CREBL2: variants seen among roughly 807,000 people sequenced by gnomAD.
CREBL2 encodes the protein cAMP responsive element binding protein like 2.
A neutral mutation model predicts 19.5 loss-of-function variants in CREBL2; 4 were observed. The ratio of observed to expected loss-of-function variants is 0.20; its 90% CI spans 0.10 to 0.47. The LOEUF is 0.47. CREBL2 is among the 20% of genes least tolerant of loss of function. The probability of loss-of-function intolerance (pLI) is 0.98; values close to 1 mark genes in which losing one functional copy is unlikely to be tolerated. For missense variants in CREBL2, 85 were observed against 145.1 expected (o/e 0.59, Z 2.13); for synonymous variants, 42 against 46.6 (o/e 0.90, Z 0.40).
At chr12:12,618,286 C>T (rs1319090343) in intron 1 of CREBL2, among the ~76,000 whole-genome samples, 13 of 149,162 alleles carry the variant, frequency 8.7e-5, no homozygotes, top group East Asian at 2.0e-4. Flanking sequence ...GGGCGGCTGC[C>T]GGGCGGAGGG....
At chr12:12,614,687 C>G (rs1206443191) in intron 1 of CREBL2, 4 of 280,922 alleles carry the variant, frequency 1.4e-5, no homozygotes, top group Non-Finnish European at 2.8e-5. Context: ...CATTTTCCTT[C>G]ACACGTTTCT....
intron 1 of CREBL2, chr12:12,614,838 TA>T: frequency 3.0e-6 from 1 of 329,086 alleles, no homozygotes; most frequent in Non-Finnish European, 6.0e-6. Flanking sequence ...TTTGCCATAG[TA>T]AGATTTGTAG....
At chr12:12,617,152 A>G (rs1335979906) in intron 1 of CREBL2, among the ~76,000 whole-genome samples, 2 of 152,196 alleles carry the variant, frequency 1.3e-5, no homozygotes, top group African/African-American at 4.8e-5. Context: ...AGTGTGCCTA[A>G]TACAGCATAA....
Position 12,641,250 on chromosome 12 carries a change from A to ATTTTTTTTTTTTTTTTTT in CREBL2, c.359-742_359-741insTTTTTTTTTTTTTTTTTT, listed in dbSNP as rs1248375488. ...CTTTATTATTATTATTATTATTATT[A>ATTTTTTTTTTTTTTTTTT]TTATTTTTTTTTATTTTTTTTTTTT... On this transcript the variant is annotated intron_variant, in intron 3 of 3. Transcript: ENST00000228865. Among the ~76,000 whole-genome samples, 45 of 57,992 alleles carry ATTTTTTTTTTTTTTTTTT rather than the reference A, an allele frequency of 7.8e-4. 7 individuals are homozygous for ATTTTTTTTTTTTTTTTTT. The highest frequency in any genetic ancestry group is 1.3e-3 in the Non-Finnish European group (38 of 28,686). 38.0% of individuals were successfully genotyped at this position (57,992 alleles called of 152,430 possible). A position where few individuals can be genotyped will look rare whatever the true frequency, so the allele number is the denominator to read the frequency against.
Position 12,644,833 on chromosome 12 carries a change from T to G in CREBL2, c.*2835T>G, listed in dbSNP as rs1257327434. The G allele has an allele frequency of 6.6e-6, 1 of 152,310 alleles. No homozygotes were observed. The highest frequency in any genetic ancestry group is 1.5e-5 in the Non-Finnish European group (1 of 68,044). The allele number at this position is 152,310 out of a possible 1,614,324, so 9.4% of individuals were successfully genotyped here. A position where few individuals can be genotyped will look rare whatever the true frequency, so the allele number is the denominator to read the frequency against. On this transcript the variant is annotated 3_prime_UTR_variant, in exon 4 of 4. Transcript: ENST00000228865. ...CAAAAAGTACAGGTTTAAACTGGACTTAGCTTGAGTTAAAGGCAAAGAAAA... is the reference window on the plus strand; with the variant it reads ...CAAAAAGTACAGGTTTAAACTGGACGTAGCTTGAGTTAAAGGCAAAGAAAA...
At chr12:12,639,997 C>T (rs1181297203) in intron 3 of CREBL2, among the ~76,000 whole-genome samples, 1 of 152,110 alleles carries the variant, frequency 6.6e-6, no homozygotes, top group Non-Finnish European at 1.5e-5. Context: ...AGCAGAACCA[C>T]TGATAAGGGT....
intron 2 of CREBL2, among the ~76,000 whole-genome samples, 196 bp downstream of exon 2, chr12:12,636,170 A>G (rs1002020448): frequency 1.3e-5 from 2 of 152,224 alleles, no homozygotes; most frequent in Non-Finnish European, 1.5e-5. Flanking sequence ...GACTGTTAAC[A>G]CTAAGGGATT....
At chr12:12,639,246 A>G (rs1463220002) in intron 3 of CREBL2, among the ~76,000 whole-genome samples, 1 of 152,176 alleles carries the variant, frequency 6.6e-6, no homozygotes, top group Non-Finnish European at 1.5e-5. Flanking sequence ...TATTGTGAGT[A>G]GTACTGCTGT....
chr12:12,641,253 A>ATTTTTTTTTTTTTTTTTTTTT lies in CREBL2; in HGVS notation c.359-732_359-731insTTTTTTTTTTTTTTTTTTTTT, dbSNP rs142404101. 1.0e-4 allele frequency among the ~76,000 whole-genome samples: 8 copies of ATTTTTTTTTTTTTTTTTTTTT among 78,258 alleles called. 1 individual carries two copies. The highest frequency in any genetic ancestry group is 1.5e-4 in the Admixed American group (1 of 6,818). 51.3% of individuals were successfully genotyped at this position (78,258 alleles called of 152,430 possible). A position where few individuals can be genotyped will look rare whatever the true frequency, so the allele number is the denominator to read the frequency against. On this transcript the variant is annotated intron_variant, in intron 3 of 3. Transcript: ENST00000228865. ...TATTATTATTATTATTATTATTATT[A>ATTTTTTTTTTTTTTTTTTTTT]TTTTTTTTTATTTTTTTTTTTTTTA...
chr12:12,633,213 A>G (rs1592241468), intron 1 of CREBL2, among the ~76,000 whole-genome samples: 1 of 152,132 alleles, frequency 6.6e-6, no homozygotes, highest in Non-Finnish European at 1.5e-5. Flanking sequence ...TTGGGATTAC[A>G]GGTGTGAGCC....
rs530139620 is a variant in CREBL2, at chr12:12,645,021, C to A, written c.*3023C>A. The A allele has an allele frequency of 6.6e-6, 1 of 152,142 alleles. No individual in the cohort carries two copies. Among genetic ancestry groups the A allele is most frequent in the Non-Finnish European group, 1.5e-5 (1 of 68,012 alleles). 9.4% of individuals were successfully genotyped at this position (152,142 alleles called of 1,614,324 possible). ...ATCTGTAAAAAAGGGGGGAGGATAACTTTCACAGGGTAATTGGTAGGCTAA... is the reference window on the plus strand; with the variant it reads ...ATCTGTAAAAAAGGGGGGAGGATAAATTTCACAGGGTAATTGGTAGGCTAA... On this transcript the variant is annotated 3_prime_UTR_variant, in exon 4 of 4. Coordinates refer to ENST00000228865, the MANE Select transcript of CREBL2 (RefSeq NM_001310.4).
intron 1 of CREBL2, among the ~76,000 whole-genome samples, chr12:12,635,081 A>AT (rs1474040921): frequency 6.6e-6 from 1 of 151,992 alleles, no homozygotes; most frequent in African/African-American, 2.4e-5. Flanking sequence ...AAGAAAAAAA[A>AT]GTGGGGCCTG....
At chr12:12,634,873 T>C (rs1184594538) in intron 1 of CREBL2, among the ~76,000 whole-genome samples, 2 of 151,752 alleles carry the variant, frequency 1.3e-5, no homozygotes, top group East Asian at 1.9e-4. Context: ...CTGGTCAACA[T>C]AGCAAGACAC....
intron 1 of CREBL2, among the ~76,000 whole-genome samples, chr12:12,613,884 G>C (rs1483426920): frequency 1.4e-5 from 2 of 143,020 alleles, no homozygotes; most frequent in African/African-American, 5.2e-5. Context: ...GAAGGGTAGC[G>C]TTCTAAAAGT....
At chr12:12,634,144 T>C (rs1436195164) in intron 1 of CREBL2, among the ~76,000 whole-genome samples, 1 of 150,184 alleles carries the variant, frequency 6.7e-6, no homozygotes, top group Admixed American at 6.7e-5. Flanking sequence ...TTTCAGAAAA[T>C]CTTTGAACTG....
intron 3 of CREBL2, among the ~76,000 whole-genome samples, chr12:12,639,647 T>C (rs1945502566): frequency 6.6e-6 from 1 of 152,152 alleles, no homozygotes; most frequent in Non-Finnish European, 1.5e-5. Context: ...GTTTTTGTTG[T>C]TGAGTGGTAA....
chr12:12,629,852 G>A (rs903764775), intron 1 of CREBL2, among the ~76,000 whole-genome samples: 1 of 152,062 alleles, frequency 6.6e-6, no homozygotes, highest in Non-Finnish European at 1.5e-5. Flanking sequence ...TTTTTTGTGT[G>A]TGTGTGAGAT....
chr12:12,617,174 A>G (rs1855640401), intron 1 of CREBL2, among the ~76,000 whole-genome samples: 1 of 152,220 alleles, frequency 6.6e-6, no homozygotes, highest in South Asian at 2.1e-4. Flanking sequence ...GTACTCATTT[A>G]TAGAGATTGA....
At chr12:12,636,008 A>C (rs1274771862) in intron 2 of CREBL2, 34 bp downstream of exon 2, 3 of 1,563,918 alleles carry the variant, frequency 1.9e-6, no homozygotes, top group Admixed American at 3.6e-5. Flanking sequence ...TGAAAAAATC[A>C]CCTTAACAGT....
Sources: gnomAD v4.1 joint callset for allele counts (sites outside exome capture counted in the v4.1 genomes callset) on GRCh38, gnomAD v4.1.1 for gene constraint, MANE v1.5 for transcripts, NCBI Gene and HGNC (gene_info 2026-07-23, HGNC 2026-07-21) for gene names.